DCC: variants seen among roughly 807,000 people sequenced by gnomAD.
The protein encoded by DCC is DCC netrin 1 receptor.
In DCC, 58 loss-of-function variants were observed where a neutral mutation model predicts 172.5. That is an observed-to-expected ratio of 0.34 (90% CI 0.27 to 0.42). The LOEUF (loss-of-function observed/expected upper bound fraction) is 0.42, where lower values mean the gene tolerates loss of function less well. Among genes scored for constraint, DCC ranks in the 10% least tolerant of loss-of-function variants. DCC has a pLI of 1.00. For synonymous variants in DCC, 709 were observed against 644.5 expected (o/e 1.10, Z -1.52); for missense variants, 1,740 against 1,791.0 (o/e 0.97, Z 0.51).
Position 53,006,323 on chromosome 18 carries a change from A to T in DCC, c.986-56982A>T, listed in dbSNP as rs117646921. Among the ~76,000 whole-genome samples the T allele has an allele frequency of 9.6e-3, 1,461 of 152,298 alleles. 8 individuals carry two copies. The highest frequency in any genetic ancestry group is 0.017 in the Non-Finnish European group (1,145 of 68,026). ...CCTACCTAGATTGATTAGAGCAATT[A>T]TTCTTAAGCATGGCAATGCTCATCT... On this transcript the variant is annotated intron_variant, in intron 5 of 28. Coordinates refer to ENST00000442544, the MANE Select transcript of DCC (RefSeq NM_005215.4).
At chr18:53,377,978 ATT>A (rs1026124625) in intron 15 of DCC, among the ~76,000 whole-genome samples, 1 of 151,960 alleles carries the variant, frequency 6.6e-6, no homozygotes, top group Non-Finnish European at 1.5e-5. Context: ...TAATTAATTT[ATT>A]TTTTTAAGAC....
At chr18:52,447,062 A>G (rs371080146) in intron 1 of DCC, among the ~76,000 whole-genome samples, 17 of 152,316 alleles carry the variant, frequency 1.1e-4, no homozygotes, top group East Asian at 5.8e-4. Context: ...TTTTCTCCAT[A>G]TTCTTAAACA....
At chr18:53,501,071 C>T (rs2046092045) in intron 27 of DCC, among the ~76,000 whole-genome samples, 1 of 152,148 alleles carries the variant, frequency 6.6e-6, no homozygotes, top group Non-Finnish European at 1.5e-5. Context: ...TCTGTTTCCC[C>T]ACTGCAAGCA....
chr18:53,481,284 C>G (rs189113648), intron 25 of DCC, among the ~76,000 whole-genome samples: 1 of 152,156 alleles, frequency 6.6e-6, no homozygotes, highest in East Asian at 1.9e-4. Flanking sequence ...GGCTATGATG[C>G]TTATTCACTA....
At chr18:53,175,864 T>C (rs1244100344) in intron 8 of DCC, among the ~76,000 whole-genome samples, 1 of 152,182 alleles carries the variant, frequency 6.6e-6, no homozygotes, top group East Asian at 1.9e-4. Context: ...GAGCCTGCAT[T>C]GCCAAGTGAA....
chr18:52,893,185 A>C (rs780485114), intron 2 of DCC, among the ~76,000 whole-genome samples: 45 of 152,188 alleles, frequency 3.0e-4, no homozygotes, highest in Non-Finnish European at 5.9e-4. Context: ...GTCTCTCTCT[A>C]AAGATTTTGA....
intron 1 of DCC, among the ~76,000 whole-genome samples, chr18:52,632,242 T>A (rs72919011): frequency 0.18 from 27,558 of 152,168 alleles, 2,949 homozygotes; most frequent in South Asian, 0.3. Flanking sequence ...AATAATTCAT[T>A]CCTATTTCTT....
chr18:53,005,539 C>T (rs1185578354), intron 5 of DCC, among the ~76,000 whole-genome samples: 1 of 152,124 alleles, frequency 6.6e-6, no homozygotes, highest in Non-Finnish European at 1.5e-5. Flanking sequence ...TCAAGGCCAG[C>T]CTGGCCAACA....
intron 1 of DCC, among the ~76,000 whole-genome samples, chr18:52,618,447 G>A (rs937193897): frequency 2.6e-5 from 4 of 152,072 alleles, no homozygotes; most frequent in South Asian, 2.1e-4. Flanking sequence ...CTCTAACTTC[G>A]ACCCATTGGT....
chr18:53,396,528 A>G (rs1409540205), intron 17 of DCC, among the ~76,000 whole-genome samples: 1 of 152,214 alleles, frequency 6.6e-6, no homozygotes, highest in Non-Finnish European at 1.5e-5. Context: ...GTATTTATCC[A>G]AATTGCTGTT....
intron 26 of DCC, among the ~76,000 whole-genome samples, chr18:53,489,671 A>T (rs1340082818): frequency 6.6e-6 from 1 of 152,224 alleles, no homozygotes; most frequent in Non-Finnish European, 1.5e-5. Flanking sequence ...TGAATCACTA[A>T]AGTCCTATTC....
intron 3 of DCC, among the ~76,000 whole-genome samples, chr18:52,909,283 A>G (rs1051044751): frequency 6.6e-6 from 1 of 152,168 alleles, no homozygotes; most frequent in Admixed American, 6.6e-5. Context: ...CACATATACA[A>G]ACATCATATT....
intron 12 of DCC, among the ~76,000 whole-genome samples, chr18:53,223,796 T>C (rs1469429530): frequency 1.3e-5 from 2 of 152,196 alleles, no homozygotes; most frequent in Non-Finnish European, 2.9e-5. Context: ...AAGCACTTTA[T>C]TGAAAGATTT....
intron 2 of DCC, among the ~76,000 whole-genome samples, chr18:52,817,508 A>G (rs1371121586): frequency 2.6e-5 from 4 of 152,058 alleles, no homozygotes; most frequent in Non-Finnish European, 5.9e-5. Flanking sequence ...ATTTTAAATT[A>G]TTAGGTACAT....
At chr18:52,470,747 T>C (rs1221973) in intron 1 of DCC, among the ~76,000 whole-genome samples, 37,958 of 152,176 alleles carry the variant, frequency 0.25, 5,646 homozygotes, top group Non-Finnish European at 0.33. Context: ...AGTATCACAT[T>C]TTCTGAGAGG....
chr18:53,490,109 G>A (rs1019162625), intron 26 of DCC, among the ~76,000 whole-genome samples: 3 of 152,116 alleles, frequency 2.0e-5, no homozygotes, highest in African/African-American at 7.2e-5. Context: ...CTTTATTCAT[G>A]CTATTTTTCT....
chr18:52,459,136 C>A (rs1040443228), intron 1 of DCC, among the ~76,000 whole-genome samples: 1 of 152,046 alleles, frequency 6.6e-6, no homozygotes, highest in Admixed American at 6.6e-5. Flanking sequence ...TCTCTGATAA[C>A]TCTCACATCA....
At chr18:52,411,049 C>T (rs1292946836) in intron 1 of DCC, among the ~76,000 whole-genome samples, 1 of 152,102 alleles carries the variant, frequency 6.6e-6, no homozygotes, top group Non-Finnish European at 1.5e-5. Flanking sequence ...CTTCGGAATT[C>T]ATATATAACA....
chr18:52,656,356 A>G (rs73465818), intron 1 of DCC, among the ~76,000 whole-genome samples: 4,814 of 152,080 alleles, frequency 0.032, 235 homozygotes, highest in African/African-American at 0.11. Context: ...ATACATGACT[A>G]TCTATGAACT....
Sources: gnomAD v4.1 joint callset for allele counts (sites outside exome capture counted in the v4.1 genomes callset) on GRCh38, gnomAD v4.1.1 for gene constraint, MANE v1.5 for transcripts, NCBI Gene and HGNC (gene_info 2026-07-23, HGNC 2026-07-21) for gene names.